The following TFIP11 variants were observed in gnomAD, a reference collection of about 807,000 sequenced individuals.
The protein encoded by TFIP11 is tuftelin interacting protein 11, also known as tuftelin-interacting protein 11.
TFIP11 carries 86 observed loss-of-function variants against 96.8 expected under a neutral mutation model. That is an observed-to-expected ratio of 0.89 (90% CI 0.75 to 1.06). TFIP11 has a LOEUF of 1.06. Ranked by LOEUF, TFIP11 falls within the 50% of genes least tolerant of loss-of-function variation. The probability of loss-of-function intolerance (pLI) is 0.00; values close to 1 mark genes in which losing one functional copy is unlikely to be tolerated. For synonymous variants in TFIP11, 405 were observed against 395.2 expected, an observed-to-expected ratio of 1.02 and a Z score of -0.29; for missense variants, 881 against 1,076.7, an observed-to-expected ratio of 0.82 and a Z score of 2.54.
At chr22:26,499,770 T>G in intron 8 of TFIP11, 139 bp from the exon 9 acceptor site, 1 of 897,526 alleles carries the variant, frequency 1.1e-6, no homozygotes, top group African/African-American at 1.7e-5. Flanking sequence ...GGCAGTGTTG[T>G]AAAGTGGGAA....
At chr22:26,498,700 A>T in intron 10 of TFIP11, 169 bp downstream of exon 10, 1 of 600,558 alleles carries the variant, frequency 1.7e-6, no homozygotes, top group Non-Finnish European at 2.9e-6. Context: ...TTTCAAAAAA[A>T]TTAAAAAAAA....
At chr22:26,498,740 C>A in intron 10 of TFIP11, 129 bp downstream of exon 10, 2 of 702,408 alleles carry the variant, frequency 2.8e-6, no homozygotes, top group Non-Finnish European at 4.9e-6. Flanking sequence ...ATTTAAATTC[C>A]TAAAGCACTG....
Position 26,492,280 on chromosome 22 carries a change from C to G in TFIP11, c.2247G>C (p.Gln749His). The G allele has an allele frequency of 6.2e-7, 1 of 1,614,256 alleles. No individual in the cohort carries two copies. The highest frequency in any genetic ancestry group is 8.5e-7 in the Non-Finnish European group (1 of 1,180,048). Reference protein sequence around the residue: ...RRKDFQYEAMQERREAENMAQ... With the variant: ...RRKDFQYEAMHERREAENMAQ... ...CCATGTTCTCAGCCTCCCGCCTCTC[C>G]TGCATGGCCTCGTACTGGAAGTCCT... Residue 749 changes from glutamine to histidine, a missense_variant, in exon 15 of 15, where the codon CAG becomes CAC. By Grantham distance (24) the Gln-to-His change is conservative (BLOSUM62 0). Coordinates refer to ENST00000407690, the MANE Select transcript of TFIP11 (RefSeq NM_012143.4).
At position 26,506,232 on chromosome 22, in the gene TFIP11, C is replaced by G. The variant is rs1418332861; in HGVS notation, c.520+71G>C. Reference sequence around the variant, plus strand: ...GCTTTTAAAAGGGAAAAGCAAACCTCCTCTCCCAACGCCCCTCTCCTTCCC... The same window carrying G: ...GCTTTTAAAAGGGAAAAGCAAACCTGCTCTCCCAACGCCCCTCTCCTTCCC... On this transcript the variant is annotated intron_variant, in intron 6 of 14. Transcript: ENST00000407690. The G allele has an allele frequency of 2.7e-6, 4 of 1,462,974 alleles. No homozygotes were observed. In the South Asian group the frequency reaches 6.0e-5, roughly 22 times the overall value. The allele number at this position is 1,462,974 out of a possible 1,614,324, so 90.6% of individuals were successfully genotyped here. A position where few individuals can be genotyped will look rare whatever the true frequency, so the allele number is the denominator to read the frequency against.
intron 7 of TFIP11, 137 bp from the exon 8 acceptor site, chr22:26,502,189 G>A (rs1198096217): frequency 9.5e-7 from 1 of 1,051,062 alleles, no homozygotes; most frequent in Non-Finnish European, 1.4e-6. Context: ...GGAAGGAAAG[G>A]ATGCACCTGC....
Position 26,491,763 on chromosome 22 carries a change from C to A in TFIP11, c.*250G>T. The stretch of plus-strand genomic sequence containing the variant: ...GCTATGGAGGAACTACAGAGAACTC[C>A]TTTGCCAGGAAAGAACATCAACTTG... On this transcript the variant is annotated 3_prime_UTR_variant, in exon 15 of 15. Coordinates refer to ENST00000407690, the MANE Select transcript of TFIP11 (RefSeq NM_012143.4). The A allele has an allele frequency of 8.1e-7, 1 of 1,228,130 alleles. No individual in the cohort carries two copies. The highest frequency in any genetic ancestry group is 1.1e-6 in the Non-Finnish European group (1 of 884,758). 76.1% of individuals were successfully genotyped at this position (1,228,130 alleles called of 1,614,324 possible).
intron 10 of TFIP11, among the ~76,000 whole-genome samples, chr22:26,497,734 G>A (rs566009029): frequency 1.9e-4 from 29 of 152,214 alleles, no homozygotes; most frequent in Non-Finnish European, 2.9e-4. Context: ...AAATTAGCTG[G>A]GCATGGTGGC....
chr22:26,499,608 C>T lies in TFIP11; in HGVS notation c.825G>A (p.Glu275=), dbSNP rs769196865. 5 of 1,612,652 alleles carry T rather than the reference C, an allele frequency of 3.1e-6. 1 individual carries two copies. The South Asian group carries it at 5.5e-5, about 18-fold the overall frequency. ...QVKVIDMTGR[E]QKVYYSYSQI... ...GACTGTAGCTGTAGTAGACCTTCTGCTCCCGGCCTGTCATGTCTATGACCT... is the reference window on the plus strand; with the variant it reads ...GACTGTAGCTGTAGTAGACCTTCTGTTCCCGGCCTGTCATGTCTATGACCT... The change falls in exon 9 of 15, where the codon GAG becomes GAA. Residue 275 remains glutamate, a synonymous_variant. Coordinates refer to ENST00000407690, the MANE Select transcript of TFIP11 (RefSeq NM_012143.4).
intron 10 of TFIP11, among the ~76,000 whole-genome samples, chr22:26,497,333 G>A (rs1922190810): frequency 6.6e-6 from 1 of 152,102 alleles, no homozygotes; most frequent in Non-Finnish European, 1.5e-5. Flanking sequence ...GCCTTTATTT[G>A]TTCACTACCT....
At chr22:26,495,394 C>T (rs1921822396) in intron 12 of TFIP11, among the ~76,000 whole-genome samples, 1 of 150,402 alleles carries the variant, frequency 6.6e-6, no homozygotes, top group Non-Finnish European at 1.5e-5. Context: ...CCTCCCGCCT[C>T]AGCCTCCCTA....
Position 26,494,293 on chromosome 22 carries a change from A to G in TFIP11, c.2004T>C (p.Ser668=). 1.2e-6 allele frequency: 2 copies of G among 1,614,262 alleles called. No individual in the cohort carries two copies. The highest frequency in any genetic ancestry group is 1.7e-6 in the Non-Finnish European group (2 of 1,180,054). ...FFPKWLQVLC[S]WLSNSPNYEE... ...CATAATTTGGGCTGTTACTGAGCCAAGAGCACAGCACCTGCCAAAAAGAAA... is the reference window on the plus strand; with the variant it reads ...CATAATTTGGGCTGTTACTGAGCCAGGAGCACAGCACCTGCCAAAAAGAAA... Residue 668 remains serine, a synonymous_variant, in exon 14 of 15, where the codon TCT becomes TCC. Coordinates refer to ENST00000407690, the MANE Select transcript of TFIP11 (RefSeq NM_012143.4).
intron 10 of TFIP11, among the ~76,000 whole-genome samples, chr22:26,498,078 G>A (rs1922284901): frequency 6.6e-6 from 1 of 152,178 alleles, no homozygotes; most frequent in South Asian, 2.1e-4. Flanking sequence ...CAGCAAGTTG[G>A]TTGGAATTGG....
rs1922848929 is a variant in TFIP11, at chr22:26,501,942, G to A, written c.759C>T (p.Ser253=). 11 of 1,613,826 alleles carry A rather than the reference G, an allele frequency of 6.8e-6. No homozygotes were observed. The highest frequency in any genetic ancestry group is 9.3e-6 in the Non-Finnish European group (11 of 1,179,964). ...CCTTCTGGGGAGCAGTGAGCTTCTTGCTAATCCTGCCCTTGGCCTTCAACT... is the reference window on the plus strand; with the variant it reads ...CCTTCTGGGGAGCAGTGAGCTTCTTACTAATCCTGCCCTTGGCCTTCAACT... ...VEELKAKGRI[S]KKLTAPQKEL... Residue 253 remains serine (S), a synonymous_variant, in exon 8 of 15, where the codon AGC becomes AGT. Transcript: ENST00000407690.
intron 5 of TFIP11, 75 bp downstream of exon 5, chr22:26,506,700 C>T: frequency 6.4e-7 from 1 of 1,569,232 alleles, no homozygotes; most frequent in Non-Finnish European, 8.7e-7. Flanking sequence ...GAGTTTCTCC[C>T]TGGCTAGAAA....
At chr22:26,506,749 G>T (rs751732738) in intron 5 of TFIP11, 26 bp downstream of exon 5, 5 of 1,613,306 alleles carry the variant, frequency 3.1e-6, no homozygotes, top group Non-Finnish European at 4.2e-6. Flanking sequence ...ATATTCCTAG[G>T]GTCACAATCC....
intron 8 of TFIP11, among the ~76,000 whole-genome samples, chr22:26,500,609 C>G (rs915935551): frequency 1.3e-5 from 2 of 151,890 alleles, no homozygotes; most frequent in African/African-American, 2.4e-5. Context: ...TTCATCACCA[C>G]TTTTTAAGTA....
intron 9 of TFIP11, 58 bp from the exon 10 acceptor site, chr22:26,499,033 T>C: frequency 6.2e-7 from 1 of 1,610,530 alleles, no homozygotes; most frequent in Non-Finnish European, 8.5e-7. Flanking sequence ...CCCTGCCCAT[T>C]GAACCAACTC....
chr22:26,503,473 C>G (rs1252797783), intron 7 of TFIP11, among the ~76,000 whole-genome samples, 193 bp downstream of exon 7: 3 of 152,222 alleles, frequency 2.0e-5, no homozygotes, highest in Non-Finnish European at 4.4e-5. Context: ...CTGCCACTTC[C>G]ACACCACAGC....
At position 26,494,955 on chromosome 22, in the gene TFIP11, G is replaced by A. The variant is rs373236892; in HGVS notation, c.1850-16C>T. 49 of 1,613,918 alleles carry A rather than the reference G, an allele frequency of 3.0e-5. No homozygotes were observed. The highest frequency in any genetic ancestry group is 5.3e-5 in the African/African-American group (4 of 74,926). The stretch of plus-strand genomic sequence containing the variant: ...AGACACATCCCTGGAAGAGAAACCC[G>A]GTCTGTAAGGCACAGCTTTAGTACT... On this transcript the variant is annotated splice_polypyrimidine_tract_variant and intron_variant, in intron 12 of 14. Transcript: ENST00000407690.
Sources: allele counts gnomAD v4.1 joint callset (sites outside exome capture counted in the v4.1 genomes callset), GRCh38; gene constraint gnomAD v4.1.1; transcripts MANE v1.5; gene names NCBI Gene and HGNC (gene_info 2026-07-23, HGNC 2026-07-21).